SKP2: variants seen among roughly 807,000 people sequenced by gnomAD.
SKP2 encodes S-phase kinase-associated protein 2.
In SKP2, 16 loss-of-function variants were observed where a neutral mutation model predicts 51.8. That is an observed-to-expected ratio of 0.31 (90% CI 0.21 to 0.47). The LOEUF (loss-of-function observed/expected upper bound fraction) is 0.47, where lower values mean the gene tolerates loss of function less well. Among genes scored for constraint, SKP2 ranks in the 20% least tolerant of loss-of-function variants. The pLI is 1.00. For synonymous variants in SKP2, 176 were observed against 198.6 expected (o/e 0.89, Z 0.96); for missense variants, 377 against 505.3 (o/e 0.75, Z 2.43).
downstream of SKP2, among the ~76,000 whole-genome samples, chr5:36,184,731 A>C (rs537092581): frequency 6.6e-6 from 1 of 152,202 alleles, no homozygotes; most frequent in Non-Finnish European, 1.5e-5. Flanking sequence ...ATACGTTTGC[A>C]TGTGTCTTTA....
At chr5:36,166,482 G>T in intron 3 of SKP2, 37 bp from the exon 4 acceptor site, 2 of 1,606,434 alleles carry the variant, frequency 1.2e-6, no homozygotes, top group South Asian at 1.1e-5. Context: ...CATTTAGTGT[G>T]ACCGACTGGC....
At chr5:36,172,927 T>C (rs1579568102) in intron 7 of SKP2, among the ~76,000 whole-genome samples, 1 of 152,140 alleles carries the variant, frequency 6.6e-6, no homozygotes, top group African/African-American at 2.4e-5. Flanking sequence ...ATAATTACTA[T>C]TTTAAAACTG....
In SKP2 at chr5:36,183,455, G is replaced by C. The variant is rs1235345555; in HGVS notation, c.*1424G>C. Reference sequence around the variant, plus strand: ...CTAATTTTTTTGTATTTTTAGTAGAGACGGGGTTTCACCATGTTAGCCAGG... The same window carrying C: ...CTAATTTTTTTGTATTTTTAGTAGACACGGGGTTTCACCATGTTAGCCAGG... On this transcript the variant is annotated 3_prime_UTR_variant, in exon 10 of 10. Coordinates refer to ENST00000274255, the MANE Select transcript of SKP2 (RefSeq NM_005983.4). 3.1e-6 allele frequency: 1 copy of C among 321,246 alleles called. No homozygotes were observed. The highest frequency in any genetic ancestry group is 4.5e-6 in the Non-Finnish European group (1 of 223,376). The allele number at this position is 321,246 out of a possible 1,614,324, so 19.9% of individuals were successfully genotyped here.
chr5:36,179,297 G>T (rs1212212476), intron 9 of SKP2, among the ~76,000 whole-genome samples: 1 of 151,962 alleles, frequency 6.6e-6, no homozygotes, highest in African/African-American at 2.4e-5. Context: ...TATATTTGAG[G>T]TTTATAATAA....
chr5:36,176,263 A>G (rs1745629563), intron 7 of SKP2, among the ~76,000 whole-genome samples: 1 of 151,814 alleles, frequency 6.6e-6, no homozygotes, highest in African/African-American at 2.4e-5. Flanking sequence ...AGATTAACTC[A>G]CTGTTTAATA....
At chr5:36,161,412 C>G (rs1045336958) in intron 2 of SKP2, among the ~76,000 whole-genome samples, 8 of 151,688 alleles carry the variant, frequency 5.3e-5, no homozygotes. Context: ...TCACGGGAGG[C>G]CTTCTGTGGG....
At chr5:36,166,781 G>C (rs1336881449) in intron 4 of SKP2, 119 bp downstream of exon 4, 1 of 828,080 alleles carries the variant, frequency 1.2e-6, no homozygotes, top group Non-Finnish European at 1.9e-6. Flanking sequence ...TATCTGTGCA[G>C]TGTGGGATGT....
intron 2 of SKP2, among the ~76,000 whole-genome samples, chr5:36,157,979 TA>T (rs150787655): frequency 0.017 from 2,581 of 152,312 alleles, 74 homozygotes; most frequent in African/African-American, 0.058. Flanking sequence ...TGAGATGTGA[TA>T]AGGTTACAGA....
Position 36,152,989 on chromosome 5 carries a change from A to G in SKP2, c.227A>G (p.Asp76Gly). ...PRKRLKSKGS[D>G]KDFVIVRRPK... ...AAACGGCTGAAGAGCAAAGGGAGTG[A>G]CAAAGACTTTGTGATTGTCCGCAGG... is the stretch of plus-strand genomic sequence containing the variant. Residue 76 changes from aspartate (D) to glycine (G), a missense_variant, in exon 2 of 10, where the codon GAC becomes GGC. Coordinates refer to ENST00000274255, the MANE Select transcript of SKP2 (RefSeq NM_005983.4). 2 of 1,614,178 alleles carry G rather than the reference A, an allele frequency of 1.2e-6. No individual in the cohort carries two copies. The highest frequency in any genetic ancestry group is 1.7e-6 in the Non-Finnish European group (2 of 1,180,030).
rs1028855175 is a variant in SKP2 at position 36,182,869 on chromosome 5, A to G, written c.*838A>G. 6 of 985,052 alleles carry G rather than the reference A, an allele frequency of 6.1e-6. No homozygotes were observed. The African/African-American group carries it at 8.7e-5, about 14-fold the overall frequency. The allele number at this position is 985,052 out of a possible 1,614,324, so 61.0% of individuals were successfully genotyped here. On this transcript the variant is annotated 3_prime_UTR_variant, in exon 10 of 10. Coordinates refer to ENST00000274255, the MANE Select transcript of SKP2 (RefSeq NM_005983.4). Reference sequence around the variant, plus strand: ...ACTTGCTTTGTTTTAGAAAGGTGGTATTAATCCACTCTCTATTCTTGAAAA... The same window carrying G: ...ACTTGCTTTGTTTTAGAAAGGTGGTGTTAATCCACTCTCTATTCTTGAAAA...
chr5:36,158,302 C>A (rs1033543230), intron 2 of SKP2, among the ~76,000 whole-genome samples: 14 of 152,298 alleles, frequency 9.2e-5, no homozygotes, highest in Admixed American at 9.1e-4. Flanking sequence ...AAACAGATGG[C>A]TAATGTTTTG....
At chr5:36,174,814 T>C (rs1745580032) in intron 7 of SKP2, among the ~76,000 whole-genome samples, 1 of 152,134 alleles carries the variant, frequency 6.6e-6, no homozygotes, top group East Asian at 1.9e-4. Flanking sequence ...TCCATATGCA[T>C]ATGTGAGAGA....
chr5:36,184,853 G>T (rs1336241047), downstream of SKP2, among the ~76,000 whole-genome samples: 2 of 152,164 alleles, frequency 1.3e-5, no homozygotes, highest in Admixed American at 6.5e-5. Flanking sequence ...CTTCCACAAT[G>T]GTTGTACCAG....
At chr5:36,185,498 A>G (rs1318217763), downstream of SKP2, among the ~76,000 whole-genome samples, 2 of 152,218 alleles carry the variant, frequency 1.3e-5, no homozygotes, top group African/African-American at 2.4e-5. Flanking sequence ...AGCACCATTT[A>G]TTAAATAGGG....
chr5:36,187,441 T>C (rs1459146788), downstream of SKP2, among the ~76,000 whole-genome samples: 1 of 150,870 alleles, frequency 6.6e-6, no homozygotes, highest in Non-Finnish European at 1.5e-5. Flanking sequence ...GTGTCTTTGT[T>C]CTCATTCGTT....
chr5:36,173,891 T>C (rs1469577536), intron 7 of SKP2, among the ~76,000 whole-genome samples: 1 of 152,152 alleles, frequency 6.6e-6, no homozygotes, highest in African/African-American at 2.4e-5. Context: ...GGTTCAAATA[T>C]CCACTCTGCC....
At chr5:36,170,078 G>A (rs911906014) in intron 5 of SKP2, among the ~76,000 whole-genome samples, 2 of 152,122 alleles carry the variant, frequency 1.3e-5, no homozygotes, top group Non-Finnish European at 2.9e-5. Flanking sequence ...ATATTCTTGT[G>A]TATTTGCTTC....
chr5:36,183,618 C>T lies in SKP2; in HGVS notation c.*1587C>T, dbSNP rs1344729727. ...AACTAGTTTAAATTGATGACTTGTT[C>T]GTATGTTCAAAATGTAACAACAAAA... On this transcript the variant is annotated 3_prime_UTR_variant, in exon 10 of 10. Transcript: ENST00000274255. 1.4e-5 allele frequency: 17 copies of T among 1,177,548 alleles called. No individual in the cohort carries two copies. The highest frequency in any genetic ancestry group is 6.4e-5 in the African/African-American group (4 of 62,758). 72.9% of individuals were successfully genotyped at this position (1,177,548 alleles called of 1,614,324 possible). A position where few individuals can be genotyped will look rare whatever the true frequency, so the allele number is the denominator to read the frequency against.
chr5:36,152,218 C>G lies in SKP2; in HGVS notation c.-45C>G. On this transcript the variant is annotated 5_prime_UTR_variant, in exon 1 of 10. Transcript: ENST00000274255. ...GCGGGAATCTGGGAGGCGAGCAGCT[C>G]TGCAGTTAATGCACGTATTTTAAAC... 1 of 1,611,084 alleles carries G rather than the reference C, an allele frequency of 6.2e-7. No individual in the cohort carries two copies. Among genetic ancestry groups the G allele is most frequent in the Non-Finnish European group, 8.5e-7 (1 of 1,177,372 alleles).
Sources: gnomAD v4.1 joint callset for allele counts (sites outside exome capture counted in the v4.1 genomes callset) on GRCh38, gnomAD v4.1.1 for gene constraint, MANE v1.5 for transcripts, NCBI Gene and HGNC (gene_info 2026-07-23, HGNC 2026-07-21) for gene names.